KAZN: variants seen among roughly 807,000 people sequenced by gnomAD.
The protein encoded by KAZN is kazrin, periplakin interacting protein, also known as kazrin.
Under a neutral mutation model 87.4 loss-of-function variants are expected in KAZN, and 40 were observed. That is an observed-to-expected ratio of 0.46 (90% CI 0.36 to 0.60). KAZN has a LOEUF of 0.60. Among genes scored for constraint, KAZN ranks in the 20% least tolerant of loss-of-function variants. KAZN has a pLI of 0.00. For missense variants in KAZN, 898 were observed against 1,073.9 expected, an observed-to-expected ratio of 0.84 and a Z score of 2.29; for synonymous variants, 466 against 458.3, an observed-to-expected ratio of 1.02 and a Z score of -0.22.
intron 1 of KAZN, among the ~76,000 whole-genome samples, chr1:14,060,190 C>G (rs868107756): frequency 6.6e-6 from 1 of 151,832 alleles, no homozygotes; most frequent in Non-Finnish European, 1.5e-5. Context: ...AGTGAAACCC[C>G]GTCTCTACTA....
chr1:14,726,434 C>A (rs979435750), intron 1 of KAZN, among the ~76,000 whole-genome samples: 1 of 152,192 alleles, frequency 6.6e-6, no homozygotes. Context: ...AGGTGTGGAG[C>A]GGCTTCCGGG....
In KAZN at chr1:13,990,510, G is replaced by A. The variant is rs184563011; in HGVS notation, c.91+96754G>A. Among the ~76,000 whole-genome samples the A allele has an allele frequency of 2.0e-5, 3 of 152,156 alleles. No homozygotes were observed. In the East Asian group the frequency reaches 5.8e-4, roughly 29 times the overall value. Reference sequence around the variant, plus strand: ...TAGGTAGAAAAAAATCAACACACTAGCTGACCATGGTGAGTAGGGGAAAAG... The same window carrying A: ...TAGGTAGAAAAAAATCAACACACTAACTGACCATGGTGAGTAGGGGAAAAG... On this transcript the variant is annotated intron_variant, in intron 1 of 16. Coordinates refer to the KAZN transcript ENST00000636203.
intron 2 of KAZN, among the ~76,000 whole-genome samples, chr1:14,282,599 T>A (rs1458318488): frequency 6.6e-6 from 1 of 152,210 alleles, no homozygotes; most frequent in Non-Finnish European, 1.5e-5. Flanking sequence ...CCTGGGGCTG[T>A]GAACAGCCTT....
chr1:14,687,274 C>T lies in KAZN; in HGVS notation c.226+88051C>T, dbSNP rs142403686. 3.0e-4 allele frequency among the ~76,000 whole-genome samples: 45 copies of T among 152,316 alleles called. No homozygotes were observed. The East Asian group carries it at 8.5e-3, about 29-fold the overall frequency. On this transcript the variant is annotated intron_variant, in intron 1 of 14. Coordinates refer to ENST00000376030, the MANE Select transcript of KAZN (RefSeq NM_201628.3). ...GTATTAAGCACCTGCTGTGACTGGC[C>T]CTGGGCTAGGCACTGTGGGCACAGA... is the stretch of plus-strand genomic sequence containing the variant.
intron 1 of KAZN, among the ~76,000 whole-genome samples, chr1:14,076,121 A>C (rs1360903312): frequency 1.3e-5 from 2 of 152,074 alleles, no homozygotes; most frequent in African/African-American, 4.8e-5. Flanking sequence ...CTCTACTAAA[A>C]ATACAAAAAA....
intron 1 of KAZN, among the ~76,000 whole-genome samples, chr1:14,627,205 G>T (rs1202976827): frequency 6.6e-6 from 1 of 151,868 alleles, no homozygotes; most frequent in African/African-American, 2.4e-5. Flanking sequence ...GAGCGGGAAG[G>T]GTGTGAAGGA....
At chr1:14,249,576 C>T (rs1649822072) in intron 2 of KAZN, among the ~76,000 whole-genome samples, 1 of 152,320 alleles carries the variant, frequency 6.6e-6, no homozygotes, top group African/African-American at 2.4e-5. Context: ...GTCAGGCAGG[C>T]ACTCCCCAAG....
intron 1 of KAZN, among the ~76,000 whole-genome samples, chr1:14,172,508 A>G (rs1161477357): frequency 6.6e-6 from 1 of 152,250 alleles, no homozygotes; most frequent in Non-Finnish European, 1.5e-5. Context: ...TGGTGACCTC[A>G]TGGAACTTAC....
At chr1:15,057,565 C>G (rs1467978679) in intron 5 of KAZN, among the ~76,000 whole-genome samples, 1 of 152,202 alleles carries the variant, frequency 6.6e-6, no homozygotes, top group Non-Finnish European at 1.5e-5. Flanking sequence ...GATAGCAGCC[C>G]TCCCTTCACT....
intron 1 of KAZN, among the ~76,000 whole-genome samples, chr1:14,056,819 G>C (rs570082065): frequency 3.3e-5 from 5 of 152,076 alleles, no homozygotes; most frequent in African/African-American, 1.2e-4. Context: ...CTATGGCCTC[G>C]CTCCTGTACA....
At position 14,636,204 on chromosome 1, in the gene KAZN, T is replaced by C. The variant is rs936430914; in HGVS notation, c.226+36981T>C. Among the ~76,000 whole-genome samples the C allele has an allele frequency of 3.9e-5, 6 of 152,202 alleles. No homozygotes were observed. In the East Asian group the frequency reaches 7.7e-4, roughly 20 times the overall value. ...ATGGGGTGATTTGGGGCAAGGCACC[T>C]CCGTCTCTTGGCTTCAGTTTCCTCA... On this transcript the variant is annotated intron_variant, in intron 1 of 14. Coordinates refer to ENST00000376030, the MANE Select transcript of KAZN (RefSeq NM_201628.3).
chr1:14,924,075 G>T, intron 1 of KAZN: 2 of 932,858 alleles, frequency 2.1e-6, no homozygotes, highest in South Asian at 4.8e-5. Context: ...GGGGCGGGGC[G>T]AGCCTCGGCA....
At position 14,926,456 on chromosome 1, in the gene KAZN, C is replaced by G. The variant is rs538896351; in HGVS notation, c.227-34228C>G. Among the ~76,000 whole-genome samples, 16 of 152,276 alleles carry G rather than the reference C, an allele frequency of 1.1e-4. No homozygotes were observed. In the East Asian group the frequency reaches 2.9e-3, roughly 28 times the overall value. On this transcript the variant is annotated intron_variant, in intron 1 of 14. Coordinates refer to ENST00000376030, the MANE Select transcript of KAZN (RefSeq NM_201628.3). The stretch of plus-strand genomic sequence containing the variant: ...ATGGTATGTCCGTTTTAAAAGACAG[C>G]ACATTGGAAAACTCTTTTCCCAGTT...
chr1:14,702,023 G>C (rs544635438), intron 1 of KAZN, among the ~76,000 whole-genome samples: 1 of 152,118 alleles, frequency 6.6e-6, no homozygotes, highest in Non-Finnish European at 1.5e-5. Flanking sequence ...ACTTGTTGAC[G>C]TGCTAAAGCA....
Position 14,940,372 on chromosome 1 carries a change from TC to T in KAZN, c.227-20310del, listed in dbSNP as rs1660915608. 2.0e-5 allele frequency among the ~76,000 whole-genome samples: 3 copies of T among 152,310 alleles called. No individual in the cohort carries two copies. In the South Asian group the frequency reaches 6.2e-4, roughly 32 times the overall value. ...GCCAAAAATTGATCTCACAGTAGCA[TC>T]CACCCATTGGCCTGTGCCCTACACT... On this transcript the variant is annotated intron_variant, in intron 1 of 14. Coordinates refer to ENST00000376030, the MANE Select transcript of KAZN (RefSeq NM_201628.3).
chr1:14,467,948 TC>T (rs1183071403), intron 2 of KAZN, among the ~76,000 whole-genome samples: 1 of 152,184 alleles, frequency 6.6e-6, no homozygotes, highest in Non-Finnish European at 1.5e-5. Flanking sequence ...TGAGCTAGTT[TC>T]CAGGCCCACG....
chr1:14,489,361 A>G (rs918977835), intron 2 of KAZN, among the ~76,000 whole-genome samples: 1 of 152,172 alleles, frequency 6.6e-6, no homozygotes, highest in African/African-American at 2.4e-5. Flanking sequence ...AAAATTATAT[A>G]TATATAAACT....
intron 8 of KAZN, 113 bp downstream of exon 8, chr1:15,065,866 G>A: frequency 6.5e-7 from 1 of 1,538,318 alleles, no homozygotes; most frequent in East Asian, 2.3e-5. Context: ...AAGCGAGCGT[G>A]GGTGCGCGTG....
chr1:14,881,822 T>C lies in KAZN; in HGVS notation c.227-78862T>C, dbSNP rs541241323. Among the ~76,000 whole-genome samples the C allele has an allele frequency of 8.5e-5, 13 of 152,314 alleles. No homozygotes were observed. The South Asian group carries it at 2.7e-3, about 32-fold the overall frequency. ...CTGGGGATAAGATTACTATTTTCTG[T>C]GTATGGTTGTTTAAATGAGATTTGG... On this transcript the variant is annotated intron_variant, in intron 1 of 14. Transcript: ENST00000376030.
Sources: allele counts gnomAD v4.1 joint callset (sites outside exome capture counted in the v4.1 genomes callset), GRCh38; gene constraint gnomAD v4.1.1; transcripts MANE v1.5; gene names NCBI Gene and HGNC (gene_info 2026-07-23, HGNC 2026-07-21).